DHX29: variants seen among roughly 807,000 people sequenced by gnomAD.
DHX29 encodes the protein ATP-dependent RNA helicase DHX29.
DHX29 carries 79 observed loss-of-function variants against 167.9 expected under a neutral mutation model. The ratio of observed to expected loss-of-function variants is 0.47; its 90% CI spans 0.39 to 0.57. The LOEUF is 0.57. Among genes scored for constraint, DHX29 ranks in the 20% least tolerant of loss-of-function variants. The pLI, the probability that DHX29 is intolerant of heterozygous loss-of-function variation, is 0.00. For missense variants in DHX29, 1,347 were observed against 1,593.4 expected, an observed-to-expected ratio of 0.85 and a Z score of 2.63; for synonymous variants, 530 against 546.0, an observed-to-expected ratio of 0.97 and a Z score of 0.41.
intron 26 of DHX29, among the ~76,000 whole-genome samples, chr5:55,259,122 AG>A (rs1406879218): frequency 2.6e-5 from 4 of 152,218 alleles, no homozygotes; most frequent in African/African-American, 7.2e-5. Context: ...CTAGGACTAC[AG>A]GCATATGACA....
intron 6 of DHX29, among the ~76,000 whole-genome samples, 156 bp downstream of exon 6, chr5:55,293,861 G>A (rs930365672): frequency 1.3e-5 from 2 of 152,098 alleles, no homozygotes; most frequent in African/African-American, 4.8e-5. Flanking sequence ...TTAACTTTCT[G>A]CTAAGTTTTT....
intron 20 of DHX29, 94 bp downstream of exon 20, chr5:55,270,318 T>A: frequency 7.3e-7 from 1 of 1,367,646 alleles, no homozygotes; most frequent in Non-Finnish European, 9.8e-7. Context: ...AAGTTGAAAA[T>A]CTAAAGCAAT....
At chr5:55,299,236 C>A (rs1748480197) in intron 1 of DHX29, among the ~76,000 whole-genome samples, 1 of 152,166 alleles carries the variant, frequency 6.6e-6, no homozygotes, top group South Asian at 2.1e-4. Context: ...TAGGTTAAAT[C>A]TATCTTTATC....
Position 55,259,526 on chromosome 5 carries a change from C to T in DHX29, c.4057+322G>A, listed in dbSNP as rs113226029. 4.1e-3 allele frequency among the ~76,000 whole-genome samples: 618 copies of T among 152,200 alleles called. 4 individuals are homozygous for T. The highest frequency in any genetic ancestry group is 0.014 in the African/African-American group (589 of 41,526). On this transcript the variant is annotated intron_variant, in intron 26 of 26. Coordinates refer to ENST00000251636, the MANE Select transcript of DHX29 (RefSeq NM_019030.4). The stretch of plus-strand genomic sequence containing the variant: ...CTGGAGTGCAATCATGTGATCTTGG[C>T]GCTCACTGCAACCTACGCCTCTCAG...
At chr5:55,300,906 A>G (rs1748563811) in intron 1 of DHX29, among the ~76,000 whole-genome samples, 1 of 152,192 alleles carries the variant, frequency 6.6e-6, no homozygotes. Context: ...GAGGTTGGGA[A>G]GTCCAAGATT....
In DHX29 at chr5:55,307,614, G is replaced by C; in HGVS notation, c.-41C>G. On this transcript the variant is annotated 5_prime_UTR_variant, in exon 1 of 27. Transcript: ENST00000251636. ...GAAGATCCTTCGCGGCCCAGGCCCC[G>C]ACGGTACCACTGCACAGCCGAGAGC... 6.2e-7 allele frequency: 1 copy of C among 1,608,048 alleles called. No homozygotes were observed. The highest frequency in any genetic ancestry group is 8.5e-7 in the Non-Finnish European group (1 of 1,178,550).
intron 25 of DHX29, among the ~76,000 whole-genome samples, chr5:55,260,362 G>T (rs1746254748): frequency 6.6e-6 from 1 of 152,032 alleles, no homozygotes; most frequent in Non-Finnish European, 1.5e-5. Flanking sequence ...CTCCGGAGTA[G>T]CTGGGATTAC....
intron 11 of DHX29, 85 bp from the exon 12 acceptor site, chr5:55,281,600 C>A: frequency 9.9e-7 from 1 of 1,014,694 alleles, no homozygotes; most frequent in Non-Finnish European, 1.4e-6. Flanking sequence ...AGGTGCTGAT[C>A]TTGCTGTTAA....
chr5:55,303,912 T>C (rs1400063704), intron 1 of DHX29, among the ~76,000 whole-genome samples: 1 of 152,240 alleles, frequency 6.6e-6, no homozygotes, highest in Middle Eastern at 3.2e-3. Flanking sequence ...ATGGCTTTCA[T>C]AAATTTATGA....
At chr5:55,298,719 T>A in intron 1 of DHX29, 55 bp from the exon 2 acceptor site, 1 of 912,162 alleles carries the variant, frequency 1.1e-6, no homozygotes, top group Non-Finnish European at 1.8e-6. Context: ...TACATTATTT[T>A]AATTTTCCTC....
At chr5:55,272,036 C>G (rs1320670975) in intron 18 of DHX29, 51 bp downstream of exon 18, 1 of 1,086,392 alleles carries the variant, frequency 9.2e-7, no homozygotes, top group Non-Finnish European at 1.3e-6. Flanking sequence ...TTCAAGAGCC[C>G]CAACCTCTTT....
In DHX29 at chr5:55,267,150, C is replaced by CAA. The variant is rs1322177351; in HGVS notation, c.3512_3513insTT (p.Leu1172CysfsTer2). ...TATTAAGAATTACCTCTAGGGTTAACAGTGATGTTCTATTAAGAAAGTTCC... is the reference window on the plus strand; with the variant it reads ...TATTAAGAATTACCTCTAGGGTTAACAAAGTGATGTTCTATTAAGAAAGTTCC... On this transcript the variant is annotated frameshift_variant, in exon 23 of 27. Coordinates refer to ENST00000251636, the MANE Select transcript of DHX29 (RefSeq NM_019030.4). LOFTEE classifies it high-confidence loss of function. 6.2e-7 allele frequency: 1 copy of CAA among 1,607,710 alleles called. No homozygotes were observed.
intron 26 of DHX29, among the ~76,000 whole-genome samples, chr5:55,259,150 AT>A (rs961058264): frequency 6.6e-6 from 1 of 151,440 alleles, no homozygotes; most frequent in African/African-American, 2.4e-5. Flanking sequence ...TTGGCTTATT[AT>A]TTTTTTTTAA....
intron 2 of DHX29, among the ~76,000 whole-genome samples, chr5:55,298,374 T>C (rs1272532112): frequency 6.6e-6 from 1 of 152,244 alleles, no homozygotes; most frequent in Non-Finnish European, 1.5e-5. Flanking sequence ...TATGCCATGC[T>C]TAAGAAGTTT....
At chr5:55,283,091 T>C in intron 11 of DHX29, 112 bp downstream of exon 11, 4 of 1,207,148 alleles carry the variant, frequency 3.3e-6, no homozygotes, top group Non-Finnish European at 3.4e-6. Flanking sequence ...GTGCTACTGA[T>C]CAACCAATAG....
At chr5:55,268,645 T>G (rs1354796385) in intron 21 of DHX29, among the ~76,000 whole-genome samples, 1 of 152,156 alleles carries the variant, frequency 6.6e-6, no homozygotes, top group Non-Finnish European at 1.5e-5. Context: ...TTGCCCAGGC[T>G]TCCATTCTGT....
intron 1 of DHX29, among the ~76,000 whole-genome samples, chr5:55,305,096 T>C (rs1230233768): frequency 1.3e-5 from 2 of 152,226 alleles, no homozygotes; most frequent in Non-Finnish European, 2.9e-5. Context: ...GAGTAGATAC[T>C]GGGGAAATGT....
chr5:55,259,951 AGAG>A lies in DHX29; in HGVS notation c.3961-10_3961-8del. ...CAGCTATCTTTACAGGGGCCTGTTA[AGAG>A]GAGTTGAAAAAATGGACAAAGTCAA... On this transcript the variant is annotated splice_polypyrimidine_tract_variant and splice_region_variant and intron_variant, in intron 25 of 26. Coordinates refer to ENST00000251636, the MANE Select transcript of DHX29 (RefSeq NM_019030.4). 1.9e-6 allele frequency: 3 copies of A among 1,572,512 alleles called. No homozygotes were observed. The African/African-American group carries it at 4.0e-5, about 21-fold the overall frequency.
Position 55,307,405 on chromosome 5 carries a change from C to T in DHX29, c.169G>A (p.Glu57Lys), listed in dbSNP as rs1748931702. ...CTCGTACCTTGCTTGACACGGGGCTCCCTGGAGCCGGCAGCGGCAGCGGCA... is the reference window on the plus strand; with the variant it reads ...CTCGTACCTTGCTTGACACGGGGCTTCCTGGAGCCGGCAGCGGCAGCGGCA... ...TAAAAAAGSR[E>K]PRVKQGPKIY... The change falls in exon 1 of 27, where the codon GAG becomes AAG. Residue 57 changes from glutamate (E) to lysine (K), a missense_variant. This residue lies in a region of DHX29 where 405 missense variants were observed against 416.8 expected (regional missense o/e 0.97). Transcript: ENST00000251636. The T allele has an allele frequency of 5.6e-6, 9 of 1,613,012 alleles. No homozygotes were observed. Among genetic ancestry groups the T allele is most frequent in the Non-Finnish European group, 7.6e-6 (9 of 1,179,754 alleles).
Sources: gnomAD v4.1 joint callset for allele counts (sites outside exome capture counted in the v4.1 genomes callset) on GRCh38, gnomAD v4.1.1 for gene constraint, gnomAD v4.1.1 regional missense constraint, MANE v1.5 for transcripts, NCBI Gene and HGNC (gene_info 2026-07-23, HGNC 2026-07-21) for gene names.